Variants in ADAMTSL1 observed in about 807,000 individuals in gnomAD.
ADAMTSL1 encodes the protein ADAMTS-like protein 1.
A neutral mutation model predicts 201.8 loss-of-function variants in ADAMTSL1; 126 were observed. That is an observed-to-expected ratio of 0.62 (90% CI 0.54 to 0.72). ADAMTSL1 has a LOEUF of 0.72. Among genes scored for constraint, ADAMTSL1 ranks in the 30% least tolerant of loss-of-function variants. The pLI, the probability that ADAMTSL1 is intolerant of heterozygous loss-of-function variation, is 0.00. For missense variants in ADAMTSL1, 2,679 were observed against 2,277.8 expected (o/e 1.18, Z -3.59); for synonymous variants, 1,121 against 903.4 (o/e 1.24, Z -4.32).
At chr9:18,576,264 T>A (rs893107720) in intron 4 of ADAMTSL1, among the ~76,000 whole-genome samples, 1 of 152,168 alleles carries the variant, frequency 6.6e-6, no homozygotes, top group Non-Finnish European at 1.5e-5. Context: ...AAAACAAAGA[T>A]TGCATTTAAG....
intron 2 of ADAMTSL1, among the ~76,000 whole-genome samples, chr9:18,283,358 A>C (rs1832865136): frequency 6.6e-6 from 1 of 152,038 alleles, no homozygotes; most frequent in South Asian, 2.1e-4. Context: ...TAATGCCAGC[A>C]CTTTGGGAGG....
At chr9:18,830,191 T>C (rs1012539012) in intron 23 of ADAMTSL1, among the ~76,000 whole-genome samples, 2 of 152,196 alleles carry the variant, frequency 1.3e-5, no homozygotes, top group African/African-American at 4.8e-5. Flanking sequence ...GTGGCTTGTC[T>C]AGATTCCAAT....
At chr9:18,309,619 C>G (rs192143319) in intron 2 of ADAMTSL1, among the ~76,000 whole-genome samples, 2 of 152,084 alleles carry the variant, frequency 1.3e-5, no homozygotes, top group Non-Finnish European at 2.9e-5. Context: ...CCTAGGAGTA[C>G]AACTTATAAG....
chr9:18,476,598 A>G (rs1043789886), intron 1 of ADAMTSL1, among the ~76,000 whole-genome samples: 3 of 152,150 alleles, frequency 2.0e-5, no homozygotes, highest in Non-Finnish European at 4.4e-5. Flanking sequence ...TTAGAACTAG[A>G]AGTGTGGCAT....
intron 3 of ADAMTSL1, among the ~76,000 whole-genome samples, chr9:18,537,607 C>G (rs112788113): frequency 2.2e-4 from 34 of 152,198 alleles, no homozygotes; most frequent in African/African-American, 8.2e-4. Flanking sequence ...CCATGGCTCA[C>G]ACCTGTAATC....
intron 16 of ADAMTSL1, among the ~76,000 whole-genome samples, chr9:18,761,465 T>G (rs1820067802): frequency 6.6e-6 from 1 of 152,204 alleles, no homozygotes; most frequent in Non-Finnish European, 1.5e-5. Context: ...GTATAAGCAA[T>G]ATAGATACTA....
At chr9:17,928,371 A>C (rs1282400028) in intron 1 of ADAMTSL1, among the ~76,000 whole-genome samples, 1 of 152,178 alleles carries the variant, frequency 6.6e-6, no homozygotes, top group African/African-American at 2.4e-5. Flanking sequence ...AGATCCAGGA[A>C]ACAGTTCTTT....
chr9:18,017,409 A>C (rs1384058228), intron 1 of ADAMTSL1, among the ~76,000 whole-genome samples: 2 of 151,894 alleles, frequency 1.3e-5, no homozygotes, highest in Admixed American at 6.6e-5. Context: ...CAGCACTGAC[A>C]GTTTGTTTTG....
chr9:17,992,727 C>G (rs1367412393), intron 1 of ADAMTSL1, among the ~76,000 whole-genome samples: 1 of 152,120 alleles, frequency 6.6e-6, no homozygotes, highest in Non-Finnish European at 1.5e-5. Context: ...GACCCTAACT[C>G]TAAAAAACAG....
At chr9:17,987,128 A>C (rs1293781466) in intron 1 of ADAMTSL1, among the ~76,000 whole-genome samples, 3 of 152,074 alleles carry the variant, frequency 2.0e-5, no homozygotes, top group African/African-American at 7.2e-5. Flanking sequence ...TTCGGAGAGT[A>C]TCTGTAAGTT....
chr9:18,822,084 T>A (rs1449056390), intron 21 of ADAMTSL1, among the ~76,000 whole-genome samples: 2 of 152,138 alleles, frequency 1.3e-5, no homozygotes, highest in African/African-American at 4.8e-5. Context: ...TGGGTTCTTT[T>A]CCTTCGCTGT....
intron 3 of ADAMTSL1, among the ~76,000 whole-genome samples, chr9:18,555,837 C>G (rs1237545726): frequency 2.6e-5 from 4 of 151,792 alleles, no homozygotes; most frequent in African/African-American, 9.7e-5. Context: ...GTAACAAATA[C>G]GAAGAAAAGA....
At chr9:18,556,659 T>C (rs1413093693) in intron 3 of ADAMTSL1, among the ~76,000 whole-genome samples, 2 of 152,136 alleles carry the variant, frequency 1.3e-5, no homozygotes, top group East Asian at 1.9e-4. Context: ...TCTTAAAATA[T>C]GTCCATGCTC....
At chr9:18,840,135 C>A (rs1825616548) in intron 23 of ADAMTSL1, among the ~76,000 whole-genome samples, 1 of 147,914 alleles carries the variant, frequency 6.8e-6, no homozygotes. Flanking sequence ...AATGGTAATG[C>A]CTAGGTTTTC....
chr9:18,607,847 G>A (rs945807920), intron 4 of ADAMTSL1, among the ~76,000 whole-genome samples: 3 of 151,740 alleles, frequency 2.0e-5, no homozygotes, highest in South Asian at 2.1e-4. Context: ...TTGTCATTGC[G>A]ATAGTTTGCC....
At chr9:18,210,756 C>T (rs1004104764) in intron 2 of ADAMTSL1, among the ~76,000 whole-genome samples, 3 of 151,474 alleles carry the variant, frequency 2.0e-5, no homozygotes, top group Middle Eastern at 3.4e-3. Flanking sequence ...GGCAGGACAC[C>T]AGTAATTTTT....
At chr9:18,544,031 AG>A (rs1432659393) in intron 3 of ADAMTSL1, among the ~76,000 whole-genome samples, 2 of 152,334 alleles carry the variant, frequency 1.3e-5, no homozygotes, top group East Asian at 3.9e-4. Flanking sequence ...GTCAGTGGAA[AG>A]AATACAGGCT....
At chr9:18,443,768 A>T (rs1265966548) in intron 2 of ADAMTSL1, among the ~76,000 whole-genome samples, 5 of 152,222 alleles carry the variant, frequency 3.3e-5, no homozygotes, top group Admixed American at 6.5e-5. Context: ...TTCAGTGTAC[A>T]TGGATTATAG....
intron 2 of ADAMTSL1, among the ~76,000 whole-genome samples, chr9:18,229,591 G>A (rs952792340): frequency 2.8e-4 from 42 of 152,048 alleles, no homozygotes; most frequent in African/African-American, 9.7e-4. Flanking sequence ...TAGAAGGAAT[G>A]TGGGACACTG....
Sources: gnomAD v4.1 joint callset for allele counts (sites outside exome capture counted in the v4.1 genomes callset) on GRCh38, gnomAD v4.1.1 for gene constraint, MANE v1.5 for transcripts, NCBI Gene and HGNC (gene_info 2026-07-23, HGNC 2026-07-21) for gene names.